The following MRM1 variants were observed in gnomAD, a reference collection of about 807,000 sequenced individuals.
The protein encoded by MRM1 is rRNA methyltransferase 1, mitochondrial.
In MRM1, 24 loss-of-function variants were observed where a neutral mutation model predicts 25.0. That is an observed-to-expected ratio of 0.96 (90% CI 0.69 to 1.35). The LOEUF (loss-of-function observed/expected upper bound fraction) is 1.35. MRM1 is among the 40% of genes most tolerant of loss of function. MRM1 has a pLI of 0.00. For synonymous variants in MRM1, 188 were observed against 199.2 expected, an observed-to-expected ratio of 0.94 and a Z score of 0.47; for missense variants, 431 against 464.1, an observed-to-expected ratio of 0.93 and a Z score of 0.65.
At chr17:36,619,028 T>G in the MRM1 span, among the ~76,000 whole-genome samples, 1 of 152,202 alleles carries the variant, frequency 6.6e-6, no homozygotes, top group African/African-American at 2.4e-5. Flanking sequence ...AAACGGAAAC[T>G]CTACCCTTTA....
chr17:36,628,678 GA>G, the MRM1 span, among the ~76,000 whole-genome samples: 1 of 152,196 alleles, frequency 6.6e-6, no homozygotes, highest in African/African-American at 2.4e-5. Context: ...TGAGGAGGAT[GA>G]GACTGGCAGT....
At chr17:36,621,072 T>A in the MRM1 span, among the ~76,000 whole-genome samples, 2 of 152,140 alleles carry the variant, frequency 1.3e-5, no homozygotes, top group Non-Finnish European at 2.9e-5. Flanking sequence ...GTCACCTCTC[T>A]TGTGGGGTTT....
At chr17:36,614,044 G>T in the MRM1 span, among the ~76,000 whole-genome samples, 1 of 151,758 alleles carries the variant, frequency 6.6e-6, no homozygotes, top group South Asian at 2.1e-4. Flanking sequence ...GACACAGTAG[G>T]TGTTCAATAA....
At chr17:36,606,753 A>G (rs2074932314) in intron 2 of MRM1, among the ~76,000 whole-genome samples, 1 of 151,740 alleles carries the variant, frequency 6.6e-6, no homozygotes, top group Non-Finnish European at 1.5e-5. Context: ...GACTACAGGC[A>G]TGTGCCACCA....
chr17:36,602,143 C>A lies in MRM1; in HGVS notation c.333C>A (p.Cys111Ter), dbSNP rs777374487. 1.1e-5 allele frequency: 17 copies of A among 1,612,840 alleles called. No individual in the cohort carries two copies. Among genetic ancestry groups the A allele is most frequent in the Admixed American group, 1.7e-5 (1 of 60,014 alleles). ...RPRRQKLDTM[C>*]RYQVHQGVCM... The stretch of plus-strand genomic sequence containing the variant: ...GACGGCAGAAACTGGACACAATGTG[C>A]CGCTACCAGGTCCACCAGGGTGTCT... The change falls in exon 1 of 5, where the codon TGC (cysteine) becomes TGA (stop). Residue 111 changes from cysteine (C) to a stop codon, truncating the protein, a stop_gained. Coordinates refer to ENST00000614766, the MANE Select transcript of MRM1 (RefSeq NM_024864.5). LOFTEE classifies it high-confidence loss of function. This position sits in a 1 kb window ranked among gnomAD's most constrained non-coding sequence, Gnocchi z 4.1.
chr17:36,610,056 G>T (rs1317895410), downstream of MRM1, among the ~76,000 whole-genome samples: 1 of 151,784 alleles, frequency 6.6e-6, no homozygotes, highest in Non-Finnish European at 1.5e-5. Flanking sequence ...CTTCCAAGTG[G>T]CTGGGACTAC....
intron 2 of MRM1, among the ~76,000 whole-genome samples, chr17:36,605,793 A>G (rs567578921): frequency 2.6e-5 from 4 of 151,836 alleles, no homozygotes; most frequent in South Asian, 4.2e-4. Flanking sequence ...TATTATCACC[A>G]TTTCTGCCTG....
At position 36,608,606 on chromosome 17, in the gene MRM1, G is replaced by C; in HGVS notation, c.*191G>C. 1 of 418,570 alleles carries C rather than the reference G, an allele frequency of 2.4e-6. No homozygotes were observed. Among genetic ancestry groups the C allele is most frequent in the Non-Finnish European group, 4.2e-6 (1 of 238,752 alleles). The allele number at this position is 418,570 out of a possible 1,614,324, so 25.9% of individuals were successfully genotyped here. Reference sequence around the variant, plus strand: ...TGTTTCCTGTTGTGATGTTGGACCTGTAGTAGGACATGGTGATTTGTTAAT... The same window carrying C: ...TGTTTCCTGTTGTGATGTTGGACCTCTAGTAGGACATGGTGATTTGTTAAT... On this transcript the variant is annotated 3_prime_UTR_variant, in exon 5 of 5. Transcript: ENST00000614766.
chr17:36,625,159 C>T, the MRM1 span, among the ~76,000 whole-genome samples: 2 of 152,144 alleles, frequency 1.3e-5, no homozygotes, highest in Non-Finnish European at 2.9e-5. Context: ...CTCACCTCTG[C>T]TCTCTCTCCA....
intron 2 of MRM1, chr17:36,603,430 T>A: frequency 6.1e-6 from 1 of 164,456 alleles, no homozygotes; most frequent in Non-Finnish European, 1.3e-5. Context: ...TGAGAGAGTT[T>A]CATTCTTATT....
the MRM1 span, among the ~76,000 whole-genome samples, chr17:36,625,347 C>A: frequency 1.7e-4 from 26 of 151,834 alleles, no homozygotes; most frequent in East Asian, 5.0e-3. Context: ...TCGCCTTCTT[C>A]TTCTTCCTCT....
chr17:36,625,083 G>A, the MRM1 span, among the ~76,000 whole-genome samples: 15 of 152,176 alleles, frequency 9.9e-5, no homozygotes, highest in African/African-American at 2.9e-4. Context: ...AGTCTCCAGC[G>A]AGGTCAGAAG....
At chr17:36,612,253 C>G (rs1239045046), downstream of MRM1, among the ~76,000 whole-genome samples, 1 of 152,206 alleles carries the variant, frequency 6.6e-6, no homozygotes, top group African/African-American at 2.4e-5. Context: ...GGGGGCTTCT[C>G]CCTGCTTCAC....
At chr17:36,606,640 G>A (rs537166252) in intron 2 of MRM1, among the ~76,000 whole-genome samples, 4 of 147,038 alleles carry the variant, frequency 2.7e-5, no homozygotes, top group African/African-American at 1.0e-4. Context: ...GTGGAGTCTC[G>A]CTTTGTTGCC....
At chr17:36,610,350 A>T (rs182404537), downstream of MRM1, among the ~76,000 whole-genome samples, 165 of 151,552 alleles carry the variant, frequency 1.1e-3, no homozygotes, top group Non-Finnish European at 2.0e-3. Flanking sequence ...CTCTTGCCTC[A>T]GCCTCCTGAG....
Position 36,608,519 on chromosome 17 carries a change from C to G in MRM1, c.*104C>G. 1 of 729,018 alleles carries G rather than the reference C, an allele frequency of 1.4e-6. No individual in the cohort carries two copies. The highest frequency in any genetic ancestry group is 2.0e-6 in the Non-Finnish European group (1 of 492,684). 45.2% of individuals were successfully genotyped at this position (729,018 alleles called of 1,614,324 possible). On this transcript the variant is annotated 3_prime_UTR_variant, in exon 5 of 5. Coordinates refer to ENST00000614766, the MANE Select transcript of MRM1 (RefSeq NM_024864.5). ...CCTCTGCCTGAGTGTGCACCAGGCC[C>G]ATGTTTATTGACCACAGTCTGGGGG... is the stretch of plus-strand genomic sequence containing the variant.
rs777943509 is a variant in MRM1 at position 36,602,696 on chromosome 17, C to T, written c.636+50C>T. On this transcript the variant is annotated intron_variant, in intron 2 of 4. Transcript: ENST00000614766. This position sits in a 1 kb window ranked among gnomAD's most constrained non-coding sequence, Gnocchi z 4.1. ...AACAGATGTGAGCCCAGCTCAGCCT[C>T]TTCAAGGGGACGAAGCTAGCCCCTG... is the stretch of plus-strand genomic sequence containing the variant. The T allele has an allele frequency of 6.3e-7, 1 of 1,599,270 alleles. No homozygotes were observed. Among genetic ancestry groups the T allele is most frequent in the Non-Finnish European group, 8.6e-7 (1 of 1,166,588 alleles).
Position 36,608,443 on chromosome 17 carries a change from T to C in MRM1, c.*28T>C. 6.9e-7 allele frequency: 1 copy of C among 1,441,738 alleles called. No individual in the cohort carries two copies. The highest frequency in any genetic ancestry group is 1.7e-5 in the South Asian group (1 of 60,470). 89.3% of individuals were successfully genotyped at this position (1,441,738 alleles called of 1,614,324 possible). ...TGGACTGTCCACAGTGTTCATGTGC[T>C]GGAGTCAGGGACGGCCGCACCTGCC... On this transcript the variant is annotated 3_prime_UTR_variant, in exon 5 of 5. Transcript: ENST00000614766.
At position 36,607,821 on chromosome 17, in the gene MRM1, G is replaced by C; in HGVS notation, c.769+19G>C. The C allele has an allele frequency of 6.2e-7, 1 of 1,613,050 alleles. No individual in the cohort carries two copies. ...GTGCTGGGTAGGTGGATGTCCCTGC[G>C]TTTGTGCCCAGATTACATTTCCCGA... On this transcript the variant is annotated intron_variant, in intron 3 of 4. Coordinates refer to ENST00000614766, the MANE Select transcript of MRM1 (RefSeq NM_024864.5).
Sources: allele counts gnomAD v4.1 joint callset (sites outside exome capture counted in the v4.1 genomes callset), GRCh38; gene constraint gnomAD v4.1.1; non-coding constraint Gnocchi (gnomAD v3.1); transcripts MANE v1.5; gene names NCBI Gene and HGNC (gene_info 2026-07-23, HGNC 2026-07-21).